The following CARHSP1 variants were observed in gnomAD, a reference collection of about 807,000 sequenced individuals.
The protein encoded by CARHSP1 is calcium regulated heat stable protein 1.
In CARHSP1, 14 loss-of-function variants were observed where a neutral mutation model predicts 12.5. The ratio of observed to expected loss-of-function variants is 1.12; its 90% CI spans 0.74 to 1.75. The LOEUF (loss-of-function observed/expected upper bound fraction) is 1.75, where lower values mean the gene tolerates loss of function less well. Among genes scored for constraint, CARHSP1 ranks in the 40% most tolerant of loss-of-function variants. The pLI is 0.00. For missense variants in CARHSP1, 343 were observed against 201.6 expected, an observed-to-expected ratio of 1.70 and a Z score of -4.25; for synonymous variants, 161 against 82.0, an observed-to-expected ratio of 1.96 and a Z score of -5.20.
chr16:8,865,369 C>CA (rs2061438099), intron 1 of CARHSP1, among the ~76,000 whole-genome samples: 1 of 152,212 alleles, frequency 6.6e-6, no homozygotes, highest in Non-Finnish European at 1.5e-5. Flanking sequence ...TTCAGCCTCC[C>CA]AAAGTCCTCG....
At chr16:8,868,664 G>A (rs2141135156) in intron 1 of CARHSP1, 1 of 152,094 alleles carries the variant, frequency 6.6e-6, no homozygotes, top group East Asian at 2.0e-4. Flanking sequence ...AAAAGCAGCG[G>A]GGAGGGCGGG....
At position 8,858,632 on chromosome 16, in the gene CARHSP1, C is replaced by A. The variant is rs139583919; in HGVS notation, c.159-160G>T. 2.9e-4 allele frequency: 252 copies of A among 868,252 alleles called. 1 individual carries two copies. The African/African-American group carries it at 3.9e-3, about 13-fold the overall frequency. 53.8% of individuals were successfully genotyped at this position (868,252 alleles called of 1,614,324 possible). On this transcript the variant is annotated intron_variant, in intron 2 of 3. Coordinates refer to ENST00000311052, the MANE Select transcript of CARHSP1 (RefSeq NM_014316.4). ...CTGCACAACCCTCAACCCTGGGAGC[C>A]GCTCACAAAGACGCTGGGGGAAAGG...
At chr16:8,856,279 A>G (rs1345164589) in intron 3 of CARHSP1, among the ~76,000 whole-genome samples, 1 of 151,924 alleles carries the variant, frequency 6.6e-6, no homozygotes, top group Non-Finnish European at 1.5e-5. Context: ...CCCAGAGGAA[A>G]ACCCCCTTCA....
intron 1 of CARHSP1, among the ~76,000 whole-genome samples, chr16:8,862,797 G>A (rs1057105311): frequency 6.6e-6 from 1 of 152,156 alleles, no homozygotes; most frequent in Non-Finnish European, 1.5e-5. Flanking sequence ...GGCCCGCTCA[G>A]GAATCATGCC....
At chr16:8,856,927 C>A (rs190146791) in intron 3 of CARHSP1, among the ~76,000 whole-genome samples, 116 of 152,082 alleles carry the variant, frequency 7.6e-4, no homozygotes, top group Admixed American at 1.4e-3. Flanking sequence ...TTCAGACACT[C>A]AGGAAGGAAG....
At chr16:8,858,790 T>C in intron 2 of CARHSP1, 1 of 418,898 alleles carries the variant, frequency 2.4e-6, no homozygotes, top group South Asian at 4.1e-5. Context: ...CATCCTCCAC[T>C]CGCAAGGCCT....
intron 3 of CARHSP1, among the ~76,000 whole-genome samples, chr16:8,855,616 T>C (rs1019252176): frequency 2.6e-5 from 4 of 152,072 alleles, no homozygotes; most frequent in Non-Finnish European, 5.9e-5. Context: ...TGACATGAAA[T>C]GTGGGAGGGA....
Position 8,853,047 on chromosome 16 carries a change from C to A in CARHSP1, c.*2117G>T, listed in dbSNP as rs1058982. On this transcript the variant is annotated 3_prime_UTR_variant, in exon 4 of 4. Coordinates refer to ENST00000311052, the MANE Select transcript of CARHSP1 (RefSeq NM_014316.4). ...TAGCTCTCGCTCTGTCACCAAAACCCTCCGTCCCTCCCAGAGCCTCGAGGA... is the reference window on the plus strand; with the variant it reads ...TAGCTCTCGCTCTGTCACCAAAACCATCCGTCCCTCCCAGAGCCTCGAGGA... 0.045 allele frequency: 6,913 copies of A among 152,250 alleles called. 233 individuals are homozygous for A. Among genetic ancestry groups the A allele is most frequent in the Middle Eastern group, 0.13 (39 of 294 alleles). 9.4% of individuals were successfully genotyped at this position (152,250 alleles called of 1,614,324 possible). A position where few individuals can be genotyped will look rare whatever the true frequency, so the allele number is the denominator to read the frequency against.
chr16:8,862,218 T>C (rs2061377635), intron 1 of CARHSP1, among the ~76,000 whole-genome samples: 1 of 151,870 alleles, frequency 6.6e-6, no homozygotes, highest in Non-Finnish European at 1.5e-5. Context: ...TGTGTGGTCT[T>C]GTACAAGTTA....
intron 3 of CARHSP1, 197 bp downstream of exon 3, chr16:8,858,153 G>GCTCCGTAGAGTCTCACAACC: frequency 1.6e-6 from 1 of 633,008 alleles, no homozygotes; most frequent in African/African-American, 1.8e-5. Flanking sequence ...CCCCAACACA[G>GCTCCGTAGAGTCTCACAACC]CTCCGTAGAG....
intron 1 of CARHSP1, among the ~76,000 whole-genome samples, chr16:8,862,964 A>G (rs2061392517): frequency 6.6e-6 from 1 of 151,794 alleles, no homozygotes; most frequent in African/African-American, 2.4e-5. Flanking sequence ...AGTGCACCCA[A>G]TCCTTCAGAG....
At chr16:8,863,553 C>G (rs954766335) in intron 1 of CARHSP1, among the ~76,000 whole-genome samples, 1 of 152,180 alleles carries the variant, frequency 6.6e-6, no homozygotes, top group African/African-American at 2.4e-5. Flanking sequence ...AACTGAGGCA[C>G]GGAGCAGACG....
Position 8,853,752 on chromosome 16 carries a change from C to T in CARHSP1, c.*1412G>A, listed in dbSNP as rs768512169. ...GACTAAAGCCAAACCACAACCACAGCAAAGATAACCTAAGGATTTGTTTAC... is the reference window on the plus strand; with the variant it reads ...GACTAAAGCCAAACCACAACCACAGTAAAGATAACCTAAGGATTTGTTTAC... On this transcript the variant is annotated 3_prime_UTR_variant, in exon 4 of 4. Transcript: ENST00000311052. 3.9e-5 allele frequency: 6 copies of T among 152,146 alleles called. No homozygotes were observed. The highest frequency in any genetic ancestry group is 7.4e-5 in the Non-Finnish European group (5 of 68,022). 9.4% of individuals were successfully genotyped at this position (152,146 alleles called of 1,614,324 possible).
At position 8,859,292 on chromosome 16, in the gene CARHSP1, T is replaced by TG. The variant is rs766068144; in HGVS notation, c.36dup (p.Thr13HisfsTer16). 2.8e-5 allele frequency: 43 copies of TG among 1,563,224 alleles called. No individual in the cohort carries two copies. Among genetic ancestry groups the TG allele is most frequent in the Non-Finnish European group, 3.4e-5 (39 of 1,155,904 alleles). ...AGCAGCCCGACTGAAGCTTGATGGGTGGGGGGCTGTGGTGGTGGGGGAGGC... is the reference window on the plus strand; with the variant it reads ...AGCAGCCCGACTGAAGCTTGATGGGTGGGGGGGCTGTGGTGGTGGGGGAGGC... On this transcript the variant is annotated frameshift_variant, in exon 2 of 4. Coordinates refer to ENST00000311052, the MANE Select transcript of CARHSP1 (RefSeq NM_014316.4). LOFTEE classifies it high-confidence loss of function.
intron 1 of CARHSP1, 115 bp from the exon 2 acceptor site, chr16:8,859,450 T>A: frequency 1.1e-6 from 1 of 914,962 alleles, no homozygotes. Flanking sequence ...CTCGGGCACC[T>A]CAGCACCATT....
At chr16:8,866,718 G>A (rs1404252624) in intron 1 of CARHSP1, among the ~76,000 whole-genome samples, 5 of 151,622 alleles carry the variant, frequency 3.3e-5, no homozygotes, top group African/African-American at 1.2e-4. Context: ...GGGACACGAA[G>A]GGATGGGGGT....
In CARHSP1 at chr16:8,855,130, A is replaced by G; in HGVS notation, c.*34T>C. 1 of 1,483,760 alleles carries G rather than the reference A, an allele frequency of 6.7e-7. No individual in the cohort carries two copies. The highest frequency in any genetic ancestry group is 9.0e-7 in the Non-Finnish European group (1 of 1,105,394). The allele number at this position is 1,483,760 out of a possible 1,614,324, so 91.9% of individuals were successfully genotyped here. On this transcript the variant is annotated 3_prime_UTR_variant, in exon 4 of 4. Transcript: ENST00000311052. Reference sequence around the variant, plus strand: ...CTGCCTCCTCCCTGCAAAGTCTCCCACAAGCACAGGACAAGGGGTGCTTCC... The same window carrying G: ...CTGCCTCCTCCCTGCAAAGTCTCCCGCAAGCACAGGACAAGGGGTGCTTCC...
intron 3 of CARHSP1, among the ~76,000 whole-genome samples, chr16:8,856,800 G>T (rs1456339262): frequency 7.1e-6 from 1 of 141,200 alleles, no homozygotes; most frequent in Non-Finnish European, 1.6e-5. Flanking sequence ...GGTGCAGATC[G>T]AGGGTCCTCC....
intron 2 of CARHSP1, 105 bp from the exon 3 acceptor site, chr16:8,858,577 A>C (rs1596531878): frequency 7.2e-7 from 1 of 1,382,108 alleles, no homozygotes; most frequent in African/African-American, 1.4e-5. Context: ...CCTGGCCAGG[A>C]CCGCCATGTA....
Sources: allele counts gnomAD v4.1 joint callset (sites outside exome capture counted in the v4.1 genomes callset), GRCh38; gene constraint gnomAD v4.1.1; transcripts MANE v1.5; gene names NCBI Gene and HGNC (gene_info 2026-07-23, HGNC 2026-07-21).